The following SEMA6D variants were observed in gnomAD, a reference collection of about 807,000 sequenced individuals.
The protein encoded by SEMA6D is semaphorin 6D.
In SEMA6D, 35 loss-of-function variants were observed where a neutral mutation model predicts 106.6. The ratio of observed to expected loss-of-function variants is 0.33; its 90% CI spans 0.25 to 0.44. The LOEUF is 0.44. Ranked by LOEUF, SEMA6D falls within the 20% of genes least tolerant of loss-of-function variation. The pLI is 1.00. For synonymous variants in SEMA6D, 499 were observed against 487.7 expected (o/e 1.02, Z -0.31); for missense variants, 1,185 against 1,345.9 (o/e 0.88, Z 1.87).
intron 3 of SEMA6D, among the ~76,000 whole-genome samples, chr15:47,556,089 A>G (rs185012560): frequency 6.6e-6 from 1 of 152,216 alleles, no homozygotes; most frequent in Admixed American, 6.5e-5. Flanking sequence ...GAAATGCTAC[A>G]TTTATGTTTC....
At chr15:47,715,288 G>A (rs553312037), upstream of SEMA6D, among the ~76,000 whole-genome samples, 1 of 152,106 alleles carries the variant, frequency 6.6e-6, no homozygotes, top group African/African-American at 2.4e-5. Context: ...AAAGTTAAAA[G>A]GTTAAAAGTG....
intron 3 of SEMA6D, among the ~76,000 whole-genome samples, chr15:47,537,262 A>G (rs997983565): frequency 2.6e-5 from 4 of 152,230 alleles, no homozygotes. Flanking sequence ...GATGGGTTTG[A>G]ACAGATTATA....
intron 3 of SEMA6D, among the ~76,000 whole-genome samples, chr15:47,523,565 A>T (rs1014233295): frequency 1.3e-5 from 2 of 152,186 alleles, no homozygotes; most frequent in African/African-American, 4.8e-5. Flanking sequence ...TTAAACAGGA[A>T]GGTTTGATGA....
chr15:47,454,128 A>G (rs1474033778), intron 2 of SEMA6D, among the ~76,000 whole-genome samples: 1 of 151,840 alleles, frequency 6.6e-6, no homozygotes, highest in Non-Finnish European at 1.5e-5. Context: ...ATTTCTGGAG[A>G]GCCTGGTGGA....
At chr15:47,256,899 A>G (rs1316463312) in intron 1 of SEMA6D, among the ~76,000 whole-genome samples, 1 of 152,016 alleles carries the variant, frequency 6.6e-6, no homozygotes, top group Admixed American at 6.6e-5. Flanking sequence ...AATATTGTGT[A>G]TATATTTATT....
intron 3 of SEMA6D, among the ~76,000 whole-genome samples, chr15:47,579,888 G>A (rs1289996573): frequency 6.6e-6 from 1 of 152,038 alleles, no homozygotes; most frequent in African/African-American, 2.4e-5. Context: ...AAACTAAAGC[G>A]ACTCAACCAC....
intron 1 of SEMA6D, among the ~76,000 whole-genome samples, chr15:47,249,084 C>A (rs1236517747): frequency 6.6e-6 from 1 of 152,010 alleles, no homozygotes; most frequent in East Asian, 1.9e-4. Flanking sequence ...AAACATTAGC[C>A]GGCCATGATG....
chr15:47,762,857 A>G (rs1324308039), intron 8 of SEMA6D, among the ~76,000 whole-genome samples, 159 bp from the exon 9 acceptor site: 1 of 152,170 alleles, frequency 6.6e-6, no homozygotes, highest in African/African-American at 2.4e-5. Context: ...TGAAGCTTGA[A>G]CACACCCATA....
chr15:47,768,535 A>G, intron 17 of SEMA6D, 46 bp from the exon 18 acceptor site: 1 of 1,437,408 alleles, frequency 7.0e-7, no homozygotes, highest in East Asian at 2.4e-5. Flanking sequence ...AATCAAAAAA[A>G]ATCTTGACAC....
chr15:47,543,399 G>C (rs1256588805), intron 3 of SEMA6D, among the ~76,000 whole-genome samples: 1 of 152,094 alleles, frequency 6.6e-6, no homozygotes, highest in Non-Finnish European at 1.5e-5. Context: ...GTTTTATAAA[G>C]GGCAGTTCCC....
chr15:47,606,915 G>A (rs2143708059), intron 4 of SEMA6D, among the ~76,000 whole-genome samples: 1 of 152,174 alleles, frequency 6.6e-6, no homozygotes, highest in East Asian at 1.9e-4. Context: ...AGAGATGCCT[G>A]GCCCAAACCA....
intron 1 of SEMA6D, among the ~76,000 whole-genome samples, chr15:47,257,510 A>C (rs563647307): frequency 6.6e-6 from 1 of 152,304 alleles, no homozygotes; most frequent in African/African-American, 2.4e-5. Flanking sequence ...ATTTGAACTC[A>C]GTAATATGTG....
intron 3 of SEMA6D, among the ~76,000 whole-genome samples, chr15:47,561,058 G>GAA (rs71432246): frequency 4.0e-4 from 54 of 133,982 alleles, no homozygotes; most frequent in Non-Finnish European, 5.3e-4. Flanking sequence ...ATACAAAACA[G>GAA]AAAAAAAAAA....
chr15:47,483,738 T>G lies in SEMA6D; in HGVS notation c.-87+13193T>G, dbSNP rs951084836. Among the ~76,000 whole-genome samples, 9 of 152,264 alleles carry G rather than the reference T, an allele frequency of 5.9e-5. 1 individual carries two copies. The South Asian group carries it at 1.2e-3, about 21-fold the overall frequency. ...ATTTACTATAGAACAACCATAAATA[T>G]CAGTCAGCAGAGTTCAATTTTCCAT... On this transcript the variant is annotated intron_variant, in intron 3 of 19. Transcript: ENST00000558014.
intron 2 of SEMA6D, among the ~76,000 whole-genome samples, chr15:47,431,816 T>A (rs1822989795): frequency 6.6e-6 from 1 of 152,174 alleles, no homozygotes; most frequent in Non-Finnish European, 1.5e-5. Flanking sequence ...CGTGACATCA[T>A]GCCTTATGTG....
chr15:47,445,799 A>G (rs1188606531), intron 2 of SEMA6D, among the ~76,000 whole-genome samples: 2 of 152,066 alleles, frequency 1.3e-5, no homozygotes, highest in Non-Finnish European at 2.9e-5. Flanking sequence ...CCCTCAGCAT[A>G]TGTTCATGTA....
chr15:47,614,966 T>A (rs187985144), intron 4 of SEMA6D, among the ~76,000 whole-genome samples: 1 of 152,310 alleles, frequency 6.6e-6, no homozygotes, highest in East Asian at 1.9e-4. Context: ...TATTATTGTT[T>A]CCTCCATACA....
intron 4 of SEMA6D, among the ~76,000 whole-genome samples, chr15:47,696,752 G>T (rs767930184): frequency 2.0e-5 from 3 of 152,166 alleles, no homozygotes; most frequent in Admixed American, 6.5e-5. Flanking sequence ...TGACACAGCT[G>T]AGCATTTGGA....
intron 1 of SEMA6D, among the ~76,000 whole-genome samples, chr15:47,262,716 C>A (rs140615621): frequency 6.6e-6 from 1 of 152,190 alleles, no homozygotes; most frequent in Non-Finnish European, 1.5e-5. Flanking sequence ...TCACATGGAA[C>A]CACAGAAGAG....
Sources: allele counts gnomAD v4.1 joint callset (sites outside exome capture counted in the v4.1 genomes callset), GRCh38; gene constraint gnomAD v4.1.1; transcripts MANE v1.5; gene names NCBI Gene and HGNC (gene_info 2026-07-23, HGNC 2026-07-21).